ERCC6: variants seen among roughly 807,000 people sequenced by gnomAD.
ERCC6 encodes ERCC excision repair 6, chromatin remodeling factor, also known as DNA excision repair protein ERCC-6.
In ERCC6, 116 loss-of-function variants were observed where a neutral mutation model predicts 158.7. The observed-to-expected ratio is 0.73, with a 90% CI of 0.63 to 0.85. ERCC6 has a LOEUF of 0.85. ERCC6 is among the 40% of genes least tolerant of loss of function. The pLI is 0.00. For synonymous variants in ERCC6, 678 were observed against 659.3 expected (o/e 1.03, Z -0.43); for missense variants, 1,698 against 1,799.4 (o/e 0.94, Z 1.02).
At chr10:49,482,174 C>T (rs1338559304) in intron 10 of ERCC6, among the ~76,000 whole-genome samples, 1 of 152,146 alleles carries the variant, frequency 6.6e-6, no homozygotes, top group South Asian at 2.1e-4. Flanking sequence ...ATCAAGAATG[C>T]CCTCACTCTC....
chr10:49,488,928 G>A (rs1329877036), intron 8 of ERCC6, among the ~76,000 whole-genome samples: 1 of 152,048 alleles, frequency 6.6e-6, no homozygotes, highest in Non-Finnish European at 1.5e-5. Context: ...GGACTACAAG[G>A]TGCCTGCCAC....
In ERCC6 at chr10:49,476,806, T is replaced by G. The variant is rs1590411709; in HGVS notation, c.2287-496A>C. Among the ~76,000 whole-genome samples, 3 of 152,212 alleles carry G rather than the reference T, an allele frequency of 2.0e-5. No homozygotes were observed. The East Asian group carries it at 5.8e-4, about 29-fold the overall frequency. The stretch of plus-strand genomic sequence containing the variant: ...CACCAACCACTCCATGCGATCGTGC[T>G]CTGTGACCCTTCACCTCTCAACCCT... On this transcript the variant is annotated intron_variant, in intron 11 of 20. Coordinates refer to ENST00000355832, the MANE Select transcript of ERCC6 (RefSeq NM_000124.4).
intron 18 of ERCC6, among the ~76,000 whole-genome samples, chr10:49,462,489 C>T (rs1264812983): frequency 1.3e-5 from 2 of 149,322 alleles, no homozygotes; most frequent in Non-Finnish European, 3.0e-5. Context: ...AAAAGACTGA[C>T]AATTTTTTTA....
At chr10:49,531,953 A>G (rs1837479183) in intron 2 of ERCC6, among the ~76,000 whole-genome samples, 1 of 152,168 alleles carries the variant, frequency 6.6e-6, no homozygotes, top group African/African-American at 2.4e-5. Context: ...GCTCAGGTCT[A>G]CAGCCTCCCC....
Position 49,458,695 on chromosome 10 carries a change from C to T in ERCC6, c.*120G>A. 2 of 960,456 alleles carry T rather than the reference C, an allele frequency of 2.1e-6. No individual in the cohort carries two copies. Among genetic ancestry groups the T allele is most frequent in the Non-Finnish European group, 1.6e-6 (1 of 614,110 alleles). The allele number at this position is 960,456 out of a possible 1,614,324, so 59.5% of individuals were successfully genotyped here. A position where few individuals can be genotyped will look rare whatever the true frequency, so the allele number is the denominator to read the frequency against. ...AAAGTTTTAATTCTGAGGTAGACAT[C>T]ATGCAAACAAACATCAAGTGCAGCC... On this transcript the variant is annotated 3_prime_UTR_variant, in exon 21 of 21. Coordinates refer to ENST00000355832, the MANE Select transcript of ERCC6 (RefSeq NM_000124.4).
intron 5 of ERCC6, chr10:49,515,707 T>C (rs1217669071): frequency 1.2e-6 from 2 of 1,614,194 alleles, no homozygotes; most frequent in East Asian, 2.2e-5. Flanking sequence ...TACTTATCAA[T>C]GTTTTCATCA....
Position 49,461,343 on chromosome 10 carries a change from A to G in ERCC6, c.3983+9T>C, listed in dbSNP as rs777618785. ...CTCCTTGCAAGTATGGCATGCAGCA[A>G]TCTCTTACTTTTTTCCTGCTGGTGC... On this transcript the variant is annotated intron_variant, in intron 19 of 20. Coordinates refer to ENST00000355832, the MANE Select transcript of ERCC6 (RefSeq NM_000124.4). 1 of 1,612,296 alleles carries G rather than the reference A, an allele frequency of 6.2e-7. No individual in the cohort carries two copies. The highest frequency in any genetic ancestry group is 8.5e-7 in the Non-Finnish European group (1 of 1,179,778).
chr10:49,461,610 A>G, intron 18 of ERCC6, 54 bp from the exon 19 acceptor site: 1 of 1,538,478 alleles, frequency 6.5e-7, no homozygotes, highest in Non-Finnish European at 8.8e-7. Context: ...CAAGAAAGAC[A>G]CTTTTCTCCT....
At chr10:49,486,517 C>T (rs997196150) in intron 8 of ERCC6, among the ~76,000 whole-genome samples, 1 of 152,132 alleles carries the variant, frequency 6.6e-6, no homozygotes, top group African/African-American at 2.4e-5. Context: ...ACCAAACAAA[C>T]CTCTGAAAAG....
intron 8 of ERCC6, among the ~76,000 whole-genome samples, chr10:49,492,750 A>G (rs1851196532): frequency 6.6e-6 from 1 of 152,246 alleles, no homozygotes; most frequent in South Asian, 2.1e-4. Context: ...TTACTTCTGT[A>G]TCCACCTTCC....
In ERCC6 at chr10:49,473,423, T is replaced by C. The variant is rs944414981; in HGVS notation, c.2709+54A>G. On this transcript the variant is annotated intron_variant, in intron 14 of 20. Coordinates refer to ENST00000355832, the MANE Select transcript of ERCC6 (RefSeq NM_000124.4). ...TAAGGGTGTGGATACGCTTAGTCCTTTCCCTCCACGTACAGCAGCACCACT... is the reference window on the plus strand; with the variant it reads ...TAAGGGTGTGGATACGCTTAGTCCTCTCCCTCCACGTACAGCAGCACCACT... 9.4e-6 allele frequency: 11 copies of C among 1,171,082 alleles called. No individual in the cohort carries two copies. The African/African-American group carries it at 1.5e-4, about 16-fold the overall frequency. The allele number at this position is 1,171,082 out of a possible 1,614,324, so 72.5% of individuals were successfully genotyped here. A position where few individuals can be genotyped will look rare whatever the true frequency, so the allele number is the denominator to read the frequency against.
intron 5 of ERCC6, among the ~76,000 whole-genome samples, chr10:49,523,733 C>T (rs781083294): frequency 5.9e-5 from 9 of 152,046 alleles, no homozygotes; most frequent in Non-Finnish European, 8.8e-5. Flanking sequence ...GGTATAAAGG[C>T]GACACAGCTC....
chr10:49,501,883 C>CAAGCTGCA (rs1851360948), intron 6 of ERCC6: 1 of 152,068 alleles, frequency 6.6e-6, no homozygotes, highest in Non-Finnish European at 1.5e-5. Context: ...TTGCTTGAGC[C>CAAGCTGCA]ATGGAGGTTG....
rs4253233 is a variant in ERCC6, at chr10:49,458,697, T to G, written c.*118A>C. 2,009 of 996,708 alleles carry G rather than the reference T, an allele frequency of 2.0e-3. 51 individuals carry two copies. The Admixed American group carries it at 0.036, about 18-fold the overall frequency. 61.7% of individuals were successfully genotyped at this position (996,708 alleles called of 1,614,324 possible). ...AGTTTTAATTCTGAGGTAGACATCATGCAAACAAACATCAAGTGCAGCCAA... is the reference window on the plus strand; with the variant it reads ...AGTTTTAATTCTGAGGTAGACATCAGGCAAACAAACATCAAGTGCAGCCAA... On this transcript the variant is annotated 3_prime_UTR_variant, in exon 21 of 21. Coordinates refer to ENST00000355832, the MANE Select transcript of ERCC6 (RefSeq NM_000124.4).
rs1270419596 is a variant in ERCC6, at chr10:49,539,032, A to C, written c.-85T>G. ...GCCAGCCGCCTTGGAACCCAGCTCG[A>C]CGGGCCGTGGCGCCTGCGCCCTCAG... On this transcript the variant is annotated 5_prime_UTR_variant, in exon 1 of 21. Coordinates refer to ENST00000355832, the MANE Select transcript of ERCC6 (RefSeq NM_000124.4). 2 of 152,544 alleles carry C rather than the reference A, an allele frequency of 1.3e-5. No individual in the cohort carries two copies. Among genetic ancestry groups the C allele is most frequent in the Non-Finnish European group, 2.9e-5 (2 of 68,324 alleles). The allele number at this position is 152,544 out of a possible 1,614,324, so 9.4% of individuals were successfully genotyped here.
downstream of ERCC6, among the ~76,000 whole-genome samples, chr10:49,453,557 AGAG>A (rs1850444226): frequency 1.3e-5 from 2 of 152,300 alleles, no homozygotes; most frequent in East Asian, 3.9e-4. Flanking sequence ...TAATCAGTTA[AGAG>A]GAGAAAAATA....
chr10:49,480,610 A>G (rs1006637709), intron 10 of ERCC6, among the ~76,000 whole-genome samples: 1 of 152,138 alleles, frequency 6.6e-6, no homozygotes, highest in African/African-American at 2.4e-5. Flanking sequence ...TTCTCAAATA[A>G]TTTTTCTATA....
intron 12 of ERCC6, among the ~76,000 whole-genome samples, chr10:49,475,004 A>G (rs933431895): frequency 6.6e-6 from 1 of 152,174 alleles, no homozygotes; most frequent in Admixed American, 6.5e-5. Context: ...TATCACTAGT[A>G]AACAACAGTA....
intron 1 of ERCC6, among the ~76,000 whole-genome samples, chr10:49,533,298 T>C (rs1286079231): frequency 6.6e-6 from 1 of 152,172 alleles, no homozygotes; most frequent in East Asian, 1.9e-4. Context: ...CTGAAGTCAT[T>C]TGGCTGCTGT....
Sources: gnomAD v4.1 joint callset for allele counts (sites outside exome capture counted in the v4.1 genomes callset) on GRCh38, gnomAD v4.1.1 for gene constraint, MANE v1.5 for transcripts, NCBI Gene and HGNC (gene_info 2026-07-23, HGNC 2026-07-21) for gene names.